The following ABI3BP variants were observed in gnomAD, a reference collection of about 807,000 sequenced individuals.
ABI3BP encodes target of Nesh-SH3.
In ABI3BP, 216 loss-of-function variants were observed where a neutral mutation model predicts 268.6. That is an observed-to-expected ratio of 0.80 (90% CI 0.72 to 0.90). ABI3BP has a LOEUF of 0.90. Among genes scored for constraint, ABI3BP ranks in the 40% least tolerant of loss-of-function variants. The pLI, the probability that ABI3BP is intolerant of heterozygous loss-of-function variation, is 0.00. For missense variants in ABI3BP, 2,090 were observed against 2,182.4 expected (o/e 0.96, Z 0.84); for synonymous variants, 730 against 730.0 (o/e 1.00, Z 0.00).
At chr3:100,960,541 T>C (rs200352009) in intron 1 of ABI3BP, among the ~76,000 whole-genome samples, 1 of 152,310 alleles carries the variant, frequency 6.6e-6, no homozygotes, top group Admixed American at 6.5e-5. Flanking sequence ...GAATAAAGTA[T>C]GTTAAACAGG....
chr3:100,968,570 G>T (rs1168818025), intron 1 of ABI3BP, among the ~76,000 whole-genome samples: 1 of 148,566 alleles, frequency 6.7e-6, no homozygotes, highest in Non-Finnish European at 1.5e-5. Context: ...ATCTTGGTCT[G>T]TATCTTGGTC....
At chr3:100,826,545 C>T (rs887890982) in intron 34 of ABI3BP, among the ~76,000 whole-genome samples, 4 of 152,046 alleles carry the variant, frequency 2.6e-5, no homozygotes, top group Non-Finnish European at 4.4e-5. Context: ...TCAAGAAGCA[C>T]GTGAAAAACT....
In ABI3BP at chr3:100,834,978, T is replaced by C. The variant is rs534589844; in HGVS notation, c.2192-205A>G. On this transcript the variant is annotated intron_variant, in intron 28 of 67. Coordinates refer to ENST00000471714, the MANE Select transcript of ABI3BP (RefSeq NM_001375547.2). ...TTTGAGACAGATGGAATATATGTAA[T>C]TTAAAAAAATAAACTGCAACTTTAT... 1.1e-4 allele frequency among the ~76,000 whole-genome samples: 16 copies of C among 152,270 alleles called. No individual in the cohort carries two copies. The South Asian group carries it at 3.1e-3, about 30-fold the overall frequency.
rs1000109745 is a variant in ABI3BP at position 100,888,821 on chromosome 3, AT to A, written c.462-2499del. On this transcript the variant is annotated intron_variant, in intron 4 of 67. Transcript: ENST00000471714. The stretch of plus-strand genomic sequence containing the variant: ...TCCAATTTTGTTTTATAGCACTATC[AT>A]TTTTTTTCAAGCAGAGAGATTAGGC... Among the ~76,000 whole-genome samples, 3 of 150,088 alleles carry A rather than the reference AT, an allele frequency of 2.0e-5. No homozygotes were observed. The South Asian group carries it at 6.4e-4, about 32-fold the overall frequency.
intron 1 of ABI3BP, among the ~76,000 whole-genome samples, chr3:100,943,898 A>G (rs1350407897): frequency 6.6e-6 from 1 of 152,154 alleles, no homozygotes; most frequent in African/African-American, 2.4e-5. Flanking sequence ...TTATATATGT[A>G]TATTTCTAAT....
In ABI3BP at chr3:100,830,637, G is replaced by T; in HGVS notation, c.2402-3C>A. On this transcript the variant is annotated splice_polypyrimidine_tract_variant and splice_region_variant and intron_variant, in intron 31 of 67. Coordinates refer to ENST00000471714, the MANE Select transcript of ABI3BP (RefSeq NM_001375547.2). The stretch of plus-strand genomic sequence containing the variant: ...TGGTTCGAGGATTGTGGCAGGAACT[G>T]ATCAAAAGTAATAAAAGAAACCAAA... 6.6e-7 allele frequency: 1 copy of T among 1,525,926 alleles called. No homozygotes were observed. The highest frequency in any genetic ancestry group is 1.2e-5 in the South Asian group (1 of 82,342). The allele number at this position is 1,525,926 out of a possible 1,614,324, so 94.5% of individuals were successfully genotyped here.
chr3:100,874,777 C>T, intron 9 of ABI3BP, 64 bp downstream of exon 9: 1 of 975,940 alleles, frequency 1.0e-6, no homozygotes, highest in Admixed American at 2.6e-5. Flanking sequence ...CTTTGGATTT[C>T]CTAAGAATAT....
intron 14 of ABI3BP, among the ~76,000 whole-genome samples, chr3:100,856,156 G>T (rs957178211): frequency 1.3e-5 from 2 of 152,000 alleles, no homozygotes; most frequent in Non-Finnish European, 2.9e-5. Context: ...CACCTTACAG[G>T]GCAGACAGAT....
intron 1 of ABI3BP, among the ~76,000 whole-genome samples, chr3:100,964,423 C>A (rs371334277): frequency 5.9e-5 from 9 of 152,146 alleles, no homozygotes; most frequent in African/African-American, 1.9e-4. Context: ...CGCCGCCAGC[C>A]GGTCCTTTCT....
rs2098383820 is a variant in ABI3BP at position 100,826,321 on chromosome 3, T to A, written c.2603-477A>T. On this transcript the variant is annotated intron_variant, in intron 34 of 67. Transcript: ENST00000471714. Reference sequence around the variant, plus strand: ...CCACCTAATTTATACTGCTTTGTAATGGCAGCTCTTTTTCAAATGGAAATT... The same window carrying A: ...CCACCTAATTTATACTGCTTTGTAAAGGCAGCTCTTTTTCAAATGGAAATT... Among the ~76,000 whole-genome samples, 3 of 152,210 alleles carry A rather than the reference T, an allele frequency of 2.0e-5. No individual in the cohort carries two copies. In the South Asian group the frequency reaches 6.2e-4, roughly 32 times the overall value.
At chr3:100,956,262 T>C (rs9873537) in intron 1 of ABI3BP, among the ~76,000 whole-genome samples, 1,000 of 95,902 alleles carry the variant, frequency 0.01, 11 homozygotes, top group African/African-American at 0.029. Context: ...CACACACACA[T>C]ATGGCATGTC....
intron 1 of ABI3BP, among the ~76,000 whole-genome samples, chr3:100,972,368 G>T (rs1295482122): frequency 6.6e-6 from 1 of 152,166 alleles, no homozygotes; most frequent in African/African-American, 2.4e-5. Flanking sequence ...GCCAACAAGA[G>T]AAGTGATGGA....
At chr3:100,771,914 TACCTAGAAACA>T (rs1224344158) in intron 61 of ABI3BP, among the ~76,000 whole-genome samples, 1 of 152,106 alleles carries the variant, frequency 6.6e-6, no homozygotes, top group Non-Finnish European at 1.5e-5. Flanking sequence ...AGCTCAAAGA[TACCTAGAAACA>T]ACAAAAATGT....
intron 20 of ABI3BP, 57 bp from the exon 21 acceptor site, chr3:100,842,096 A>T: frequency 7.3e-7 from 1 of 1,376,020 alleles, no homozygotes; most frequent in Non-Finnish European, 1.0e-6. Context: ...TCTGAGATAG[A>T]AGTGACATGT....
intron 36 of ABI3BP, 54 bp downstream of exon 36, chr3:100,824,804 C>G (rs2098337161): frequency 6.9e-7 from 1 of 1,442,884 alleles, no homozygotes; most frequent in Non-Finnish European, 9.4e-7. Flanking sequence ...GCTTCAGTCC[C>G]CACTGCGACA....
chr3:100,844,403 T>C, intron 20 of ABI3BP: 2 of 985,398 alleles, frequency 2.0e-6, no homozygotes, highest in Non-Finnish European at 2.4e-6. Flanking sequence ...TGAATTGTAC[T>C]TATAAAACAA....
intron 1 of ABI3BP, among the ~76,000 whole-genome samples, chr3:100,983,350 A>T (rs2090462495): frequency 6.6e-6 from 1 of 152,206 alleles, no homozygotes; most frequent in African/African-American, 2.4e-5. Context: ...GGAATATATA[A>T]ATGTGCACAA....
intron 14 of ABI3BP, among the ~76,000 whole-genome samples, chr3:100,853,242 G>A (rs932398588): frequency 3.3e-5 from 5 of 152,184 alleles, no homozygotes; most frequent in African/African-American, 4.8e-5. Context: ...CAAGAATATT[G>A]TGAGTTAAAG....
intron 2 of ABI3BP, among the ~76,000 whole-genome samples, chr3:100,924,703 A>G (rs958888931): frequency 6.6e-6 from 1 of 152,174 alleles, no homozygotes; most frequent in African/African-American, 2.4e-5. Context: ...TTCATCATTG[A>G]AACAGTGAAA....
Sources: gnomAD v4.1 joint callset for allele counts (sites outside exome capture counted in the v4.1 genomes callset) on GRCh38, gnomAD v4.1.1 for gene constraint, MANE v1.5 for transcripts, NCBI Gene and HGNC (gene_info 2026-07-23, HGNC 2026-07-21) for gene names.